The following TRIM44 variants were observed in gnomAD, a reference collection of about 807,000 sequenced individuals.
The protein encoded by TRIM44 is tripartite motif containing 44.
A neutral mutation model predicts 37.4 loss-of-function variants in TRIM44; 13 were observed. That is an observed-to-expected ratio of 0.35 (90% CI 0.23 to 0.55). The LOEUF (loss-of-function observed/expected upper bound fraction) is 0.55. TRIM44 is among the 20% of genes least tolerant of loss of function. The pLI, the probability that TRIM44 is intolerant of heterozygous loss-of-function variation, is 0.89. For missense variants in TRIM44, 426 were observed against 437.2 expected (o/e 0.97, Z 0.23); for synonymous variants, 175 against 157.2 (o/e 1.11, Z -0.85).
chr11:35,785,719 T>TC (rs1853123329), intron 4 of TRIM44, among the ~76,000 whole-genome samples: 1 of 152,176 alleles, frequency 6.6e-6, no homozygotes, highest in African/African-American at 2.4e-5. Flanking sequence ...TTAAGAGAGT[T>TC]CCTCTAGCAA....
At chr11:35,693,612 G>A (rs1851662889) in intron 2 of TRIM44, among the ~76,000 whole-genome samples, 1 of 152,112 alleles carries the variant, frequency 6.6e-6, no homozygotes, top group African/African-American at 2.4e-5. Flanking sequence ...TTGGGGCCTA[G>A]TACATGAGCT....
chr11:35,761,091 C>T (rs1166354864), intron 4 of TRIM44, among the ~76,000 whole-genome samples: 1 of 152,206 alleles, frequency 6.6e-6, no homozygotes, highest in Admixed American at 6.5e-5. Flanking sequence ...TAATGTCCTT[C>T]AGGTTCATCT....
rs187307141 is a variant in TRIM44, at chr11:35,682,084, G to A, written c.670-3175G>A. Among the ~76,000 whole-genome samples the A allele has an allele frequency of 3.0e-3, 446 of 149,784 alleles. 1 individual carries two copies. Among genetic ancestry groups the A allele is most frequent in the Non-Finnish European group, 4.8e-3 (328 of 67,698 alleles). ...GGCGATTCTCCTGCCTCAGCCTCCC[G>A]AGTAGCTGGGCTATGTCCCATGCTT... On this transcript the variant is annotated intron_variant, in intron 1 of 4. Transcript: ENST00000299413.
chr11:35,800,996 G>T (rs1004370612), intron 4 of TRIM44, among the ~76,000 whole-genome samples: 1 of 152,144 alleles, frequency 6.6e-6, no homozygotes, highest in African/African-American at 2.4e-5. Context: ...ACTTTATTTT[G>T]TAAAGTTCAG....
At chr11:35,730,146 AT>A (rs1156487718) in intron 3 of TRIM44, among the ~76,000 whole-genome samples, 1 of 152,244 alleles carries the variant, frequency 6.6e-6, no homozygotes, top group African/African-American at 2.4e-5. Context: ...GAAAACCTCA[AT>A]AAAGAAATAA....
intron 3 of TRIM44, among the ~76,000 whole-genome samples, chr11:35,727,039 G>A (rs1175890534): frequency 6.6e-6 from 1 of 151,790 alleles, no homozygotes; most frequent in Non-Finnish European, 1.5e-5. Context: ...TCACCTGCCT[G>A]TAGTCCCAGC....
At chr11:35,740,400 A>G (rs1403056380) in intron 4 of TRIM44, among the ~76,000 whole-genome samples, 2 of 152,098 alleles carry the variant, frequency 1.3e-5, no homozygotes, top group African/African-American at 2.4e-5. Context: ...CTTAGAGGAG[A>G]AGGAGGAAGA....
At chr11:35,686,145 T>A (rs1851575497) in intron 2 of TRIM44, among the ~76,000 whole-genome samples, 1 of 152,010 alleles carries the variant, frequency 6.6e-6, no homozygotes, top group Non-Finnish European at 1.5e-5. Context: ...TTTTTTTTTT[T>A]ATTTCAATAT....
chr11:35,742,748 A>T (rs1238777111), intron 4 of TRIM44, among the ~76,000 whole-genome samples: 2 of 135,848 alleles, frequency 1.5e-5, no homozygotes, highest in African/African-American at 5.6e-5. Flanking sequence ...AATTATATTA[A>T]TGTTATATGT....
At chr11:35,733,370 T>C (rs1489778614) in intron 3 of TRIM44, among the ~76,000 whole-genome samples, 1 of 152,220 alleles carries the variant, frequency 6.6e-6, no homozygotes, top group Non-Finnish European at 1.5e-5. Flanking sequence ...CTTAGACAAT[T>C]AGGCTTAAAC....
At chr11:35,719,772 G>A (rs1339338285) in intron 2 of TRIM44, among the ~76,000 whole-genome samples, 1 of 152,180 alleles carries the variant, frequency 6.6e-6, no homozygotes, top group African/African-American at 2.4e-5. Context: ...TCATGTGGAT[G>A]TCTAGTTGTT....
chr11:35,705,828 T>C (rs796528674), intron 2 of TRIM44, among the ~76,000 whole-genome samples: 12 of 147,272 alleles, frequency 8.1e-5, no homozygotes, highest in Admixed American at 1.4e-4. Flanking sequence ...CCAAAATTGA[T>C]ACCCTAACAT....
At chr11:35,695,145 A>C (rs751138212) in intron 2 of TRIM44, among the ~76,000 whole-genome samples, 1 of 152,160 alleles carries the variant, frequency 6.6e-6, no homozygotes, top group Non-Finnish European at 1.5e-5. Flanking sequence ...GTAAGTCACC[A>C]CACCAATATA....
chr11:35,663,313 A>G lies in TRIM44; in HGVS notation c.202A>G (p.Thr68Ala). 6.2e-7 allele frequency: 1 copy of G among 1,613,694 alleles called. No individual in the cohort carries two copies. The highest frequency in any genetic ancestry group is 8.5e-7 in the Non-Finnish European group (1 of 1,179,904). The change falls in exon 1 of 5, where the codon ACC (threonine) becomes GCC (alanine). Residue 68 changes from threonine (T) to alanine (A), a missense_variant. This residue lies in a region of TRIM44 where 331 missense variants were observed against 303.0 expected (regional missense o/e 1.09). Coordinates refer to ENST00000299413, the MANE Select transcript of TRIM44 (RefSeq NM_017583.6). ...AEYVHGSQAW[T>A]PPADGEGAGK... The stretch of plus-strand genomic sequence containing the variant: ...ATACGTCCACGGCTCCCAGGCCTGG[A>G]CCCCGCCAGCTGACGGAGAGGGGGC...
intron 4 of TRIM44, among the ~76,000 whole-genome samples, chr11:35,787,137 G>T (rs889005738): frequency 3.3e-5 from 5 of 152,206 alleles, no homozygotes; most frequent in African/African-American, 1.2e-4. Context: ...CGGGCATGGG[G>T]ACGAGAGGAG....
At chr11:35,748,798 C>A (rs1852526330) in intron 4 of TRIM44, among the ~76,000 whole-genome samples, 1 of 152,156 alleles carries the variant, frequency 6.6e-6, no homozygotes, top group Non-Finnish European at 1.5e-5. Context: ...CCCTATGTCC[C>A]AAGCCCTGAT....
intron 1 of TRIM44, among the ~76,000 whole-genome samples, chr11:35,668,354 T>C (rs975045800): frequency 2.0e-5 from 3 of 152,194 alleles, no homozygotes; most frequent in African/African-American, 7.2e-5. Flanking sequence ...TTTCTGATGC[T>C]CTCCTTCCTC....
intron 4 of TRIM44, among the ~76,000 whole-genome samples, chr11:35,765,512 C>T (rs1852785921): frequency 6.6e-6 from 1 of 152,144 alleles, no homozygotes; most frequent in African/African-American, 2.4e-5. Flanking sequence ...AGAGAATGGA[C>T]ATCCTAATGG....
intron 2 of TRIM44, among the ~76,000 whole-genome samples, chr11:35,721,384 C>G (rs960124083): frequency 6.6e-6 from 1 of 152,206 alleles, no homozygotes; most frequent in Non-Finnish European, 1.5e-5. Flanking sequence ...GATAACCACT[C>G]TCCAACATTT....
Sources: allele counts gnomAD v4.1 joint callset (sites outside exome capture counted in the v4.1 genomes callset), GRCh38; gene constraint gnomAD v4.1.1; regional missense constraint gnomAD v4.1.1; transcripts MANE v1.5; gene names NCBI Gene and HGNC (gene_info 2026-07-23, HGNC 2026-07-21).